TDRD5: variants seen among roughly 807,000 people sequenced by gnomAD.
The protein encoded by TDRD5 is tudor domain-containing protein 5.
A neutral mutation model predicts 120.6 loss-of-function variants in TDRD5; 41 were observed. The ratio of observed to expected loss-of-function variants is 0.34; its 90% CI spans 0.26 to 0.44. TDRD5 has a LOEUF of 0.44. TDRD5 is among the 20% of genes least tolerant of loss of function. TDRD5 has a pLI of 1.00. For missense variants in TDRD5, 1,006 were observed against 1,221.2 expected (o/e 0.82, Z 2.63); for synonymous variants, 430 against 433.7 (o/e 0.99, Z 0.11).
chr1:179,597,352 TAGGG>T lies in TDRD5; in HGVS notation c.831+1537_831+1540del, dbSNP rs1330027476. Among the ~76,000 whole-genome samples the T allele has an allele frequency of 2.1e-5, 3 of 141,444 alleles. No homozygotes were observed. The East Asian group carries it at 6.2e-4, about 29-fold the overall frequency. The allele number at this position is 141,444 out of a possible 152,430, so 92.8% of individuals were successfully genotyped here. A position where few individuals can be genotyped will look rare whatever the true frequency, so the allele number is the denominator to read the frequency against. On this transcript the variant is annotated intron_variant, in intron 4 of 17. Transcript: ENST00000444136. ...TTTTTCTTTTTTTTTTTTTTTTTGA[TAGGG>T]AGTCTCACCTTGTCACCCAGGCTGG... is the stretch of plus-strand genomic sequence containing the variant.
chr1:179,608,129 G>A (rs568760000), intron 4 of TDRD5, among the ~76,000 whole-genome samples: 1 of 151,838 alleles, frequency 6.6e-6, no homozygotes, highest in Non-Finnish European at 1.5e-5. Flanking sequence ...TTTTGTCTTC[G>A]TAGTTTCTGA....
chr1:179,653,203 G>C (rs1339270508), intron 13 of TDRD5, among the ~76,000 whole-genome samples: 2 of 152,098 alleles, frequency 1.3e-5, no homozygotes, highest in Admixed American at 1.3e-4. Context: ...TGTTTAATTT[G>C]AGGGCCAAAA....
At chr1:179,664,498 C>CT (rs968344722) in intron 16 of TDRD5, among the ~76,000 whole-genome samples, 5 of 152,132 alleles carry the variant, frequency 3.3e-5, no homozygotes, top group African/African-American at 1.2e-4. Flanking sequence ...CCTTAGGCAG[C>CT]TACTTACTAA....
chr1:179,675,273 A>ATTATTT lies in TDRD5; in HGVS notation c.2860+5871_2860+5872insATTTTT, dbSNP rs1444171268. Among the ~76,000 whole-genome samples, 216 of 66,538 alleles carry ATTATTT rather than the reference A, an allele frequency of 3.2e-3. 2 individuals carry two copies. Among genetic ancestry groups the ATTATTT allele is most frequent in the African/African-American group, 0.011 (200 of 18,552 alleles). The allele number at this position is 66,538 out of a possible 152,430, so 43.7% of individuals were successfully genotyped here. On this transcript the variant is annotated intron_variant, in intron 17 of 17. Transcript: ENST00000444136. ...AAGAATTTTTATTATTATTATTATT[A>ATTATTT]TTTTTTTTTTTTTTTTTTTTTTTTG...
intron 16 of TDRD5, among the ~76,000 whole-genome samples, chr1:179,665,531 T>C (rs895588885): frequency 9.9e-5 from 15 of 152,212 alleles, no homozygotes; most frequent in African/African-American, 3.4e-4. Context: ...GGCATCCTTA[T>C]TGAAAATCAG....
At chr1:179,604,654 C>A (rs1322115995) in intron 4 of TDRD5, among the ~76,000 whole-genome samples, 1 of 151,950 alleles carries the variant, frequency 6.6e-6, no homozygotes, top group Non-Finnish European at 1.5e-5. Flanking sequence ...CATTCAGGAG[C>A]AGGTAATTTT....
At chr1:179,649,289 C>A (rs1177668130) in intron 11 of TDRD5, among the ~76,000 whole-genome samples, 2 of 151,956 alleles carry the variant, frequency 1.3e-5, no homozygotes, top group African/African-American at 4.8e-5. Context: ...ATTATCTCTT[C>A]AATTATTGCC....
chr1:179,606,030 G>A (rs969579907), intron 4 of TDRD5, among the ~76,000 whole-genome samples: 1 of 152,060 alleles, frequency 6.6e-6, no homozygotes, highest in Non-Finnish European at 1.5e-5. Flanking sequence ...GCCTTCCAAA[G>A]TGGTGGTACC....
At chr1:179,686,209 T>G (rs186985672) in intron 17 of TDRD5, among the ~76,000 whole-genome samples, 30 of 152,344 alleles carry the variant, frequency 2.0e-4, no homozygotes, top group African/African-American at 7.2e-4. Context: ...TATTTTGAGA[T>G]ACATCCCATC....
At chr1:179,634,377 C>A in intron 7 of TDRD5, 80 bp from the exon 8 acceptor site, 1 of 1,432,580 alleles carries the variant, frequency 7.0e-7, no homozygotes, top group Non-Finnish European at 9.4e-7. Context: ...GGTTGTATAG[C>A]TATTTTAACA....
Position 179,592,742 on chromosome 1 carries a change from C to A in TDRD5, c.127C>A (p.Leu43Ile). 1 of 1,614,144 alleles carries A rather than the reference C, an allele frequency of 6.2e-7. No individual in the cohort carries two copies. The highest frequency in any genetic ancestry group is 8.5e-7 in the Non-Finnish European group (1 of 1,180,032). ...GTACCTTTTGATGGTTGGCAACCAT[C>A]TACCACTCCGAATCCTTGGGTATCG... ...KEYLLMVGNH[L>I]PLRILGYRST... The change falls in exon 2 of 18, where the codon CTA (leucine) becomes ATA (isoleucine). Residue 43 changes from leucine to isoleucine, a missense_variant. Transcript: ENST00000444136.
At chr1:179,651,138 A>G in intron 12 of TDRD5, 71 bp downstream of exon 12, 1 of 1,505,154 alleles carries the variant, frequency 6.6e-7, no homozygotes, top group Non-Finnish European at 9.0e-7. Context: ...AAGATAATTT[A>G]ATAAAGAAGT....
chr1:179,603,521 A>G (rs1245754444), intron 4 of TDRD5, among the ~76,000 whole-genome samples: 1 of 152,084 alleles, frequency 6.6e-6, no homozygotes, highest in Admixed American at 6.6e-5. Flanking sequence ...TTTGTCATAG[A>G]TGGCTTTTAT....
intron 6 of TDRD5, among the ~76,000 whole-genome samples, chr1:179,627,951 AC>A (rs1677217718): frequency 6.6e-6 from 1 of 152,134 alleles, no homozygotes; most frequent in African/African-American, 2.4e-5. Context: ...TGCTGTTAAA[AC>A]CCTCAAAGTA....
At position 179,634,324 on chromosome 1, in the gene TDRD5, C is replaced by T. The variant is rs540243934; in HGVS notation, c.1127-133C>T. On this transcript the variant is annotated intron_variant, in intron 7 of 17. Coordinates refer to ENST00000444136, the MANE Select transcript of TDRD5 (RefSeq NM_001199085.3). ...GGACAGGTTTGTATCTCTCATTTATCATTGTCTTTCTAGCACCTGGTGTGT... is the reference window on the plus strand; with the variant it reads ...GGACAGGTTTGTATCTCTCATTTATTATTGTCTTTCTAGCACCTGGTGTGT... 4.4e-4 allele frequency: 379 copies of T among 867,152 alleles called. 2 individuals are homozygous for T. The African/African-American group carries it at 6.0e-3, about 14-fold the overall frequency. 53.7% of individuals were successfully genotyped at this position (867,152 alleles called of 1,614,324 possible).
Position 179,652,092 on chromosome 1 carries a change from A to C in TDRD5, c.2055A>C (p.Pro685=). 1 of 1,614,066 alleles carries C rather than the reference A, an allele frequency of 6.2e-7. No homozygotes were observed. Among genetic ancestry groups the C allele is most frequent in the South Asian group, 1.1e-5 (1 of 91,068 alleles). ...LALYTTSSGG[P]EDIVLTELGY... is the part of the protein sequence containing the mutation. ...TATACACGACATCCAGTGGAGGGCCAGAGGACATTGTCTTGACAGAACTGG... is the reference window on the plus strand; with the variant it reads ...TATACACGACATCCAGTGGAGGGCCCGAGGACATTGTCTTGACAGAACTGG... The change falls in exon 13 of 18, where the codon CCA becomes CCC. Residue 685 remains proline (P), a synonymous_variant. Coordinates refer to ENST00000444136, the MANE Select transcript of TDRD5 (RefSeq NM_001199085.3).
intron 17 of TDRD5, among the ~76,000 whole-genome samples, chr1:179,688,547 A>G (rs1680890691): frequency 6.6e-6 from 1 of 152,144 alleles, no homozygotes; most frequent in Non-Finnish European, 1.5e-5. Flanking sequence ...CTCAAGGAGT[A>G]TCTTTGTGGT....
chr1:179,678,142 G>A (rs550725817), intron 17 of TDRD5, among the ~76,000 whole-genome samples: 1 of 152,208 alleles, frequency 6.6e-6, no homozygotes, highest in South Asian at 2.1e-4. Flanking sequence ...GGGGATTATG[G>A]CTGCCTCTGC....
At chr1:179,651,639 C>T (rs571956050) in intron 12 of TDRD5, among the ~76,000 whole-genome samples, 7 of 152,252 alleles carry the variant, frequency 4.6e-5, no homozygotes, top group East Asian at 1.9e-4. Context: ...ATAGGCTGGG[C>T]GTGGTGGCTC....
Sources: allele counts gnomAD v4.1 joint callset (sites outside exome capture counted in the v4.1 genomes callset), GRCh38; gene constraint gnomAD v4.1.1; transcripts MANE v1.5; gene names NCBI Gene and HGNC (gene_info 2026-07-23, HGNC 2026-07-21).